CDKAL1: variants seen among roughly 807,000 people sequenced by gnomAD.
The protein encoded by CDKAL1 is CDKAL1 threonylcarbamoyladenosine tRNA methylthiotransferase, also known as threonylcarbamoyladenosine tRNA methylthiotransferase.
CDKAL1 carries 32 observed loss-of-function variants against 68.2 expected under a neutral mutation model. The observed-to-expected ratio is 0.47, with a 90% confidence interval of 0.35 to 0.63. CDKAL1 has a LOEUF of 0.63. Ranked by LOEUF, CDKAL1 falls within the 30% of genes least tolerant of loss-of-function variation. The probability of loss-of-function intolerance (pLI) is 0.00; values close to 1 mark genes in which losing one functional copy is unlikely to be tolerated. For missense variants in CDKAL1, 606 were observed against 696.7 expected (o/e 0.87, Z 1.47); for synonymous variants, 234 against 244.3 (o/e 0.96, Z 0.39).
At chr6:21,009,304 A>G (rs1767891642) in intron 11 of CDKAL1, among the ~76,000 whole-genome samples, 1 of 152,232 alleles carries the variant, frequency 6.6e-6, no homozygotes, top group African/African-American at 2.4e-5. Flanking sequence ...TAATTTTCCA[A>G]TTGAAAATTA....
At chr6:20,720,767 T>TG (rs1217025081) in intron 5 of CDKAL1, among the ~76,000 whole-genome samples, 9 of 152,320 alleles carry the variant, frequency 5.9e-5, no homozygotes, top group African/African-American at 2.2e-4. Flanking sequence ...CCCAAAGTGC[T>TG]AGATTTCAGG....
chr6:20,842,371 A>G (rs1459589254), intron 8 of CDKAL1, among the ~76,000 whole-genome samples: 1 of 152,186 alleles, frequency 6.6e-6, no homozygotes, highest in Non-Finnish European at 1.5e-5. Flanking sequence ...TACCCTATAA[A>G]TATATACACT....
At chr6:20,972,603 A>G (rs975012747) in intron 10 of CDKAL1, among the ~76,000 whole-genome samples, 3 of 152,160 alleles carry the variant, frequency 2.0e-5, no homozygotes, top group South Asian at 2.1e-4. Context: ...TGAACAGCCC[A>G]TCTCTGTTAA....
chr6:20,769,916 G>C (rs1333019163), intron 7 of CDKAL1, among the ~76,000 whole-genome samples: 1 of 152,112 alleles, frequency 6.6e-6, no homozygotes, highest in Non-Finnish European at 1.5e-5. Context: ...ATTCTGTGAA[G>C]CTGTTAATAT....
In CDKAL1 at chr6:21,008,973, G is replaced by A. The variant is rs139491696; in HGVS notation, c.1055+8601G>A. On this transcript the variant is annotated intron_variant, in intron 11 of 15. Coordinates refer to ENST00000274695, the MANE Select transcript of CDKAL1 (RefSeq NM_017774.3). The stretch of plus-strand genomic sequence containing the variant: ...CTTCTTAGAGATTCTGTGGACCCCC[G>A]CTGGCTAATAGCTAAGAATAATTAT... Among the ~76,000 whole-genome samples the A allele has an allele frequency of 1.7e-3, 263 of 152,144 alleles. 1 individual carries two copies. The highest frequency in any genetic ancestry group is 0.016 in the East Asian group (81 of 5,186).
intron 13 of CDKAL1, among the ~76,000 whole-genome samples, chr6:21,121,631 G>T (rs778375390): frequency 6.6e-6 from 1 of 152,166 alleles, no homozygotes; most frequent in Non-Finnish European, 1.5e-5. Context: ...GACTATTCTT[G>T]CAGTAAAGTT....
At chr6:20,970,732 A>C (rs1765551000) in intron 10 of CDKAL1, among the ~76,000 whole-genome samples, 1 of 152,234 alleles carries the variant, frequency 6.6e-6, no homozygotes, top group African/African-American at 2.4e-5. Flanking sequence ...AGACTTACAG[A>C]CTAAAATGTA....
At chr6:20,786,646 C>T (rs916807936) in intron 8 of CDKAL1, among the ~76,000 whole-genome samples, 9 of 151,736 alleles carry the variant, frequency 5.9e-5, no homozygotes, top group African/African-American at 2.2e-4. Flanking sequence ...TTCAGGCGCC[C>T]GCCACCATGC....
intron 10 of CDKAL1, among the ~76,000 whole-genome samples, chr6:20,983,926 T>C (rs549994011): frequency 6.6e-6 from 1 of 152,338 alleles, no homozygotes; most frequent in East Asian, 1.9e-4. Flanking sequence ...GGATTACAGG[T>C]AGATCAATCC....
intron 13 of CDKAL1, among the ~76,000 whole-genome samples, chr6:21,185,620 G>A (rs1284041273): frequency 6.6e-6 from 1 of 152,164 alleles, no homozygotes; most frequent in Non-Finnish European, 1.5e-5. Flanking sequence ...TAAATGGCAT[G>A]ATGTGTCTAC....
At chr6:20,860,015 A>AT (rs1436126212) in intron 9 of CDKAL1, among the ~76,000 whole-genome samples, 8 of 151,986 alleles carry the variant, frequency 5.3e-5, no homozygotes, top group Admixed American at 5.2e-4. Flanking sequence ...TGAAGGGAAC[A>AT]TTTTTTCTCT....
At chr6:20,624,166 C>T (rs1767320260) in intron 4 of CDKAL1, among the ~76,000 whole-genome samples, 1 of 151,932 alleles carries the variant, frequency 6.6e-6, no homozygotes, top group South Asian at 2.1e-4. Flanking sequence ...TATGAGCAGA[C>T]ATTTGGTGGT....
At chr6:20,582,779 T>C (rs559042019) in intron 4 of CDKAL1, among the ~76,000 whole-genome samples, 1 of 152,348 alleles carries the variant, frequency 6.6e-6, no homozygotes, top group African/African-American at 2.4e-5. Context: ...TTGTTTACAA[T>C]GAAATCCAAT....
At chr6:21,149,699 G>A (rs1486126240) in intron 13 of CDKAL1, among the ~76,000 whole-genome samples, 3 of 152,080 alleles carry the variant, frequency 2.0e-5, no homozygotes, top group African/African-American at 7.2e-5. Context: ...AAGTGACTGC[G>A]TTCACTGAGA....
intron 13 of CDKAL1, among the ~76,000 whole-genome samples, chr6:21,123,919 C>G (rs1198593102): frequency 1.3e-5 from 2 of 152,198 alleles, no homozygotes; most frequent in East Asian, 1.9e-4. Context: ...TTAGTGCCCC[C>G]CAAAGGTCAG....
Position 20,654,103 on chromosome 6 carries a change from G to A in CDKAL1, c.371+4726G>A, listed in dbSNP as rs191940524. On this transcript the variant is annotated intron_variant, in intron 5 of 15. Transcript: ENST00000274695. ...TCACTGTGTTGGCCAGGCTGATCTC[G>A]AACTTCTGACCTCAAGTGATCCACC... 2.4e-3 allele frequency among the ~76,000 whole-genome samples: 360 copies of A among 149,896 alleles called. 1 individual carries two copies. The highest frequency in any genetic ancestry group is 3.7e-3 in the Non-Finnish European group (249 of 67,486).
chr6:20,947,760 T>C lies in CDKAL1; in HGVS notation c.743-7659T>C, dbSNP rs115864269. ...CTAATACAAAGCCTATTTTATAATA[T>C]AGTGTTGAATATCTCATGCAATGTG... On this transcript the variant is annotated intron_variant, in intron 9 of 15. Transcript: ENST00000274695. Among the ~76,000 whole-genome samples, 330 of 152,264 alleles carry C rather than the reference T, an allele frequency of 2.2e-3. 2 individuals are homozygous for C. Among genetic ancestry groups the C allele is most frequent in the African/African-American group, 7.3e-3 (302 of 41,546 alleles).
chr6:21,017,366 A>G lies in CDKAL1; in HGVS notation c.1055+16994A>G, dbSNP rs574170923. Among the ~76,000 whole-genome samples, 59 of 152,242 alleles carry G rather than the reference A, an allele frequency of 3.9e-4. 1 individual carries two copies. Among genetic ancestry groups the G allele is most frequent in the Non-Finnish European group, 4.0e-4 (27 of 68,044 alleles). On this transcript the variant is annotated intron_variant, in intron 11 of 15. Transcript: ENST00000274695. ...TAGAAGCAAATAGAACCCCTCAGGA[A>G]GGTACAGCAAAGGCTGTGCTGGCTT...
intron 5 of CDKAL1, among the ~76,000 whole-genome samples, chr6:20,680,257 G>C (rs749070769): frequency 2.0e-5 from 3 of 152,000 alleles, no homozygotes; most frequent in African/African-American, 4.8e-5. Context: ...AGTAGAGACG[G>C]GGTTTTGCCA....
Sources: allele counts gnomAD v4.1 joint callset (sites outside exome capture counted in the v4.1 genomes callset), GRCh38; gene constraint gnomAD v4.1.1; transcripts MANE v1.5; gene names NCBI Gene and HGNC (gene_info 2026-07-23, HGNC 2026-07-21).